The following DLGAP4 variants were observed in gnomAD, a reference collection of about 807,000 sequenced individuals.
DLGAP4 encodes DLG associated protein 4, also known as disks large-associated protein 4.
In DLGAP4, 18 loss-of-function variants were observed where a neutral mutation model predicts 86.9. That is an observed-to-expected ratio of 0.21 (90% CI 0.14 to 0.31). DLGAP4 has a LOEUF of 0.31. Ranked by LOEUF, DLGAP4 falls within the 10% of genes least tolerant of loss-of-function variation. The pLI, the probability that DLGAP4 is intolerant of heterozygous loss-of-function variation, is 1.00. For missense variants in DLGAP4, 1,085 were observed against 1,362.6 expected, an observed-to-expected ratio of 0.80 and a Z score of 3.21; for synonymous variants, 548 against 574.3, an observed-to-expected ratio of 0.95 and a Z score of 0.65.
Position 36,513,868 on chromosome 20 carries a change from A to G in DLGAP4, c.2513-10382A>G, listed in dbSNP as rs971208495. 2.6e-5 allele frequency among the ~76,000 whole-genome samples: 4 copies of G among 152,190 alleles called. No individual in the cohort carries two copies. The South Asian group carries it at 6.2e-4, about 24-fold the overall frequency. On this transcript the variant is annotated intron_variant, in intron 10 of 12. Coordinates refer to ENST00000339266, the MANE Select transcript of DLGAP4 (RefSeq NM_001365621.2). ...GGAAATGTCGATCTGGGGGAAAGTC[A>G]GGAGTTTGGTTTGGAACATGTTAAA... is the stretch of plus-strand genomic sequence containing the variant.
intron 2 of DLGAP4, among the ~76,000 whole-genome samples, chr20:36,403,705 T>C (rs1808740302): frequency 6.6e-6 from 1 of 152,226 alleles, no homozygotes; most frequent in African/African-American, 2.4e-5. Context: ...ACTAAACACA[T>C]GTTATCACAC....
In DLGAP4 at chr20:36,306,714, A is replaced by G. The variant is rs1016067187; in HGVS notation, c.-304+202A>G. 1.4e-4 allele frequency among the ~76,000 whole-genome samples: 22 copies of G among 152,026 alleles called. 1 individual carries two copies. The highest frequency in any genetic ancestry group is 5.1e-4 in the African/African-American group (21 of 41,446). On this transcript the variant is annotated intron_variant, in intron 1 of 12. Coordinates refer to ENST00000339266, the MANE Select transcript of DLGAP4 (RefSeq NM_001365621.2). This position sits in a 1 kb window ranked among gnomAD's most constrained non-coding sequence, Gnocchi z 4.9. Reference sequence around the variant, plus strand: ...CCGAGGGGCCGGCTGTGCGGCTGGGAAGCGCCTTCTCCGGTTGGGATCGCC... The same window carrying G: ...CCGAGGGGCCGGCTGTGCGGCTGGGGAGCGCCTTCTCCGGTTGGGATCGCC...
In DLGAP4 at chr20:36,503,519, G is replaced by A. The variant is rs571469473; in HGVS notation, c.2512+2908G>A. On this transcript the variant is annotated intron_variant, in intron 10 of 12. Transcript: ENST00000339266. ...TTTTTTTTTTTTGAGACGGAGTCTC[G>A]CTCTGTCTTCCAGGCTGGAGTGCAG... Among the ~76,000 whole-genome samples, 8 of 120,926 alleles carry A rather than the reference G, an allele frequency of 6.6e-5. No individual in the cohort carries two copies. The South Asian group carries it at 1.0e-3, about 15-fold the overall frequency. The allele number at this position is 120,926 out of a possible 152,430, so 79.3% of individuals were successfully genotyped here. A position where few individuals can be genotyped will look rare whatever the true frequency, so the allele number is the denominator to read the frequency against.
At chr20:36,414,072 T>G (rs1195208973) in intron 2 of DLGAP4, among the ~76,000 whole-genome samples, 1 of 152,084 alleles carries the variant, frequency 6.6e-6, no homozygotes, top group Non-Finnish European at 1.5e-5. Context: ...CGTTTGCCCC[T>G]CACAAGAGCC....
chr20:36,423,865 C>G (rs965067168), intron 2 of DLGAP4, among the ~76,000 whole-genome samples: 10 of 151,802 alleles, frequency 6.6e-5, no homozygotes, highest in African/African-American at 2.2e-4. Context: ...GAGGCTGAGG[C>G]GGGAGAATTG....
At chr20:36,398,866 G>A (rs2032074019) in intron 2 of DLGAP4, among the ~76,000 whole-genome samples, 1 of 152,138 alleles carries the variant, frequency 6.6e-6, no homozygotes, top group Non-Finnish European at 1.5e-5. Flanking sequence ...ATAACGTGTG[G>A]CTGGCTGTGA....
intron 1 of DLGAP4, among the ~76,000 whole-genome samples, chr20:36,327,631 G>A (rs1256732307): frequency 2.3e-5 from 3 of 132,742 alleles, no homozygotes; most frequent in Non-Finnish European, 3.1e-5. Context: ...TCGCTCTGTC[G>A]CCCAGGCTGG....
chr20:36,504,987 GTTC>G (rs1309259717), intron 10 of DLGAP4, among the ~76,000 whole-genome samples: 2 of 149,406 alleles, frequency 1.3e-5, no homozygotes, highest in Non-Finnish European at 3.0e-5. Flanking sequence ...ATGCACACAG[GTTC>G]TTTTTTTTTT....
chr20:36,455,350 C>T (rs373474403), intron 7 of DLGAP4, among the ~76,000 whole-genome samples: 146 of 152,292 alleles, frequency 9.6e-4, no homozygotes, highest in African/African-American at 3.4e-3. Context: ...TCTCCCACTC[C>T]CTCTGAATCA....
At chr20:36,397,212 T>C (rs1426214139) in intron 2 of DLGAP4, among the ~76,000 whole-genome samples, 1 of 152,224 alleles carries the variant, frequency 6.6e-6, no homozygotes, top group Non-Finnish European at 1.5e-5. Context: ...TGGACTCGCC[T>C]GAGAGCTTGT....
chr20:36,456,990 G>A (rs1177858409), intron 7 of DLGAP4, among the ~76,000 whole-genome samples: 1 of 152,246 alleles, frequency 6.6e-6, no homozygotes. Context: ...GGGCCAGGCT[G>A]TGTTGTAGGT....
intron 7 of DLGAP4, among the ~76,000 whole-genome samples, chr20:36,475,860 CT>C (rs1311974918): frequency 6.6e-6 from 1 of 151,772 alleles, no homozygotes; most frequent in African/African-American, 2.4e-5. Flanking sequence ...CCATCTTAAC[CT>C]TTTTTTTGTT....
intron 7 of DLGAP4, among the ~76,000 whole-genome samples, chr20:36,486,672 G>A (rs527271896): frequency 2.6e-5 from 4 of 151,232 alleles, no homozygotes; most frequent in East Asian, 2.0e-4. Flanking sequence ...GTGTAGTGGC[G>A]CAATCTCGGC....
rs559042205 is a variant in DLGAP4 at position 36,466,563 on chromosome 20, G to A, written c.1648+19626G>A. Among the ~76,000 whole-genome samples the A allele has an allele frequency of 2.9e-3, 440 of 152,322 alleles. 2 individuals carry two copies. The highest frequency in any genetic ancestry group is 0.01 in the African/African-American group (420 of 41,560). On this transcript the variant is annotated intron_variant, in intron 7 of 12. Coordinates refer to ENST00000339266, the MANE Select transcript of DLGAP4 (RefSeq NM_001365621.2). ...GGTGTAAATCTCTCTCGGGTTCCCA[G>A]ATTTCCCAGACCTGACTGTGGCTGC...
intron 2 of DLGAP4, among the ~76,000 whole-genome samples, chr20:36,375,035 A>C (rs557591323): frequency 3.9e-4 from 59 of 152,368 alleles, no homozygotes; most frequent in Middle Eastern, 3.4e-3. Flanking sequence ...CTGCTGCTTC[A>C]GCCAATTTTA....
At chr20:36,524,492 C>A in intron 11 of DLGAP4, 151 bp downstream of exon 11, 1 of 646,278 alleles carries the variant, frequency 1.5e-6, no homozygotes, top group Non-Finnish European at 2.6e-6. Flanking sequence ...CAATGTGTGT[C>A]AGTGTCTAGC....
intron 1 of DLGAP4, among the ~76,000 whole-genome samples, chr20:36,321,684 T>C (rs1481856965): frequency 6.6e-6 from 1 of 151,590 alleles, no homozygotes; most frequent in African/African-American, 2.4e-5. Flanking sequence ...ACTGGGGCTG[T>C]AGGCAGAGTT....
rs1263661431 is a variant in DLGAP4 at position 36,412,056 on chromosome 20, C to T, written c.-72-19590C>T. ...CCAAGTGCTGTGTGTATTTCTGCCTCCCTCCACTTGTCCACAAGCTCTTTA... is the reference window on the plus strand; with the variant it reads ...CCAAGTGCTGTGTGTATTTCTGCCTTCCTCCACTTGTCCACAAGCTCTTTA... On this transcript the variant is annotated intron_variant, in intron 2 of 12. Transcript: ENST00000339266. Among the ~76,000 whole-genome samples, 4 of 152,250 alleles carry T rather than the reference C, an allele frequency of 2.6e-5. No individual in the cohort carries two copies. In the East Asian group the frequency reaches 7.7e-4, roughly 29 times the overall value.
intron 2 of DLGAP4, among the ~76,000 whole-genome samples, chr20:36,383,799 C>T (rs2425235): frequency 0.64 from 96,785 of 151,482 alleles, 31,072 homozygotes; most frequent in South Asian, 0.82. Flanking sequence ...CACGGTGAAA[C>T]GCCGTCTCTA....
Sources: allele counts gnomAD v4.1 joint callset (sites outside exome capture counted in the v4.1 genomes callset), GRCh38; gene constraint gnomAD v4.1.1; non-coding constraint Gnocchi (gnomAD v3.1); transcripts MANE v1.5; gene names NCBI Gene and HGNC (gene_info 2026-07-23, HGNC 2026-07-21).